Variants in CDH7 observed in about 807,000 individuals in gnomAD.
CDH7 encodes cadherin 7, also known as cadherin-7.
In CDH7, 25 loss-of-function variants were observed where a neutral mutation model predicts 71.8. The ratio of observed to expected loss-of-function variants is 0.35; its 90% CI spans 0.25 to 0.49. The LOEUF is 0.49. CDH7 is among the 20% of genes least tolerant of loss of function. The pLI, the probability that CDH7 is intolerant of heterozygous loss-of-function variation, is 0.99. For missense variants in CDH7, 862 were observed against 974.6 expected, an observed-to-expected ratio of 0.88 and a Z score of 1.54; for synonymous variants, 381 against 363.8, an observed-to-expected ratio of 1.05 and a Z score of -0.54.
chr18:65,857,320 A>T (rs1209458738), intron 7 of CDH7, among the ~76,000 whole-genome samples: 1 of 2,970 alleles, frequency 3.4e-4, no homozygotes. Context: ...CTGCATCTAT[A>T]ATAATAATAA....
At chr18:65,775,707 G>T (rs1193961021) in intron 2 of CDH7, among the ~76,000 whole-genome samples, 3 of 152,136 alleles carry the variant, frequency 2.0e-5, no homozygotes, top group Non-Finnish European at 4.4e-5. Flanking sequence ...ATTCATTTGT[G>T]CTGGGCTGCA....
rs1362530600 is a variant in CDH7 at position 65,762,881 on chromosome 18, G to T, written c.39G>T (p.Gln13His). ...LGKVEFCHFL[Q>H]LIALFLCFSG... Reference sequence around the variant, plus strand: ...AAGTGGAGTTCTGCCATTTTCTGCAGCTAATAGCTCTTTTCCTGTGTTTTT... The same window carrying T: ...AAGTGGAGTTCTGCCATTTTCTGCATCTAATAGCTCTTTTCCTGTGTTTTT... The change falls in exon 2 of 12, where the codon CAG becomes CAT. Residue 13 changes from glutamine to histidine, a missense_variant. By Grantham distance (24) the Gln-to-His change is conservative. Transcript: ENST00000397968. The T allele has an allele frequency of 1.2e-6, 2 of 1,613,080 alleles. No homozygotes were observed. The highest frequency in any genetic ancestry group is 1.7e-6 in the Non-Finnish European group (2 of 1,179,656).
chr18:65,855,384 A>G (rs2076862975), intron 7 of CDH7, among the ~76,000 whole-genome samples: 1 of 151,666 alleles, frequency 6.6e-6, no homozygotes, highest in South Asian at 2.1e-4. Context: ...GATAAATATT[A>G]AGAACAAAAG....
At chr18:65,861,254 T>G (rs2144035243) in intron 10 of CDH7, among the ~76,000 whole-genome samples, 1 of 152,268 alleles carries the variant, frequency 6.6e-6, no homozygotes, top group Non-Finnish European at 1.5e-5. Context: ...GTCTTCCATA[T>G]GATCACTTTT....
At chr18:65,802,619 G>A (rs1224765514) in intron 2 of CDH7, among the ~76,000 whole-genome samples, 1 of 152,128 alleles carries the variant, frequency 6.6e-6, no homozygotes, top group African/African-American at 2.4e-5. Flanking sequence ...AGAGAGCAAG[G>A]TACTCTCCTA....
chr18:65,752,269 C>T (rs1419126381), intron 1 of CDH7, among the ~76,000 whole-genome samples: 1 of 152,216 alleles, frequency 6.6e-6, no homozygotes, highest in African/African-American at 2.4e-5. Context: ...TAATATATGG[C>T]CCTTGCCAAG....
intron 11 of CDH7, among the ~76,000 whole-genome samples, chr18:65,879,631 C>G (rs762556089): frequency 6.6e-5 from 10 of 152,102 alleles, no homozygotes; most frequent in Non-Finnish European, 1.3e-4. Context: ...CCCAAATAAC[C>G]AGTGTAGTTG....
chr18:65,756,384 C>G (rs1029141741), intron 1 of CDH7, among the ~76,000 whole-genome samples: 8 of 152,140 alleles, frequency 5.3e-5, no homozygotes, highest in African/African-American at 1.9e-4. Context: ...ACTGACAGTC[C>G]TCAAATGTCA....
At chr18:65,784,732 C>G (rs2143842773) in intron 2 of CDH7, among the ~76,000 whole-genome samples, 1 of 152,274 alleles carries the variant, frequency 6.6e-6, no homozygotes, top group African/African-American at 2.4e-5. Context: ...CACTTCATCT[C>G]CGTGTTGAAT....
rs1912345820 is a variant in CDH7, at chr18:65,831,439, A to G, written c.981+6608A>G. ...TGAGGTCAAAAGTATCTCTATACTC[A>G]ATTTCAGAAGAAAATATTTGCTTAC... is the stretch of plus-strand genomic sequence containing the variant. On this transcript the variant is annotated intron_variant, in intron 6 of 11. Coordinates refer to ENST00000397968, the MANE Select transcript of CDH7 (RefSeq NM_004361.5). 2.0e-5 allele frequency among the ~76,000 whole-genome samples: 3 copies of G among 152,112 alleles called. No individual in the cohort carries two copies. The South Asian group carries it at 6.2e-4, about 32-fold the overall frequency.
At chr18:65,756,717 A>C (rs1378791031) in intron 1 of CDH7, among the ~76,000 whole-genome samples, 1 of 152,266 alleles carries the variant, frequency 6.6e-6, no homozygotes. Flanking sequence ...GGACTGCAAC[A>C]AACACATTCC....
At chr18:65,757,193 G>A (rs1916054612) in intron 1 of CDH7, among the ~76,000 whole-genome samples, 1 of 152,108 alleles carries the variant, frequency 6.6e-6, no homozygotes, top group African/African-American at 2.4e-5. Context: ...AAACGTTATA[G>A]TAATGAATTT....
Position 65,806,679 on chromosome 18 carries a change from C to T in CDH7, c.211-3025C>T, listed in dbSNP as rs1211894568. On this transcript the variant is annotated intron_variant, in intron 2 of 11. Coordinates refer to ENST00000397968, the MANE Select transcript of CDH7 (RefSeq NM_004361.5). ...ATGCATGTGTGTGTGTGTGTGTGTCCGTGAGTGTGCACGTGCCTGCAGAGA... is the reference window on the plus strand; with the variant it reads ...ATGCATGTGTGTGTGTGTGTGTGTCTGTGAGTGTGCACGTGCCTGCAGAGA... Among the ~76,000 whole-genome samples, 4 of 146,752 alleles carry T rather than the reference C, an allele frequency of 2.7e-5. No homozygotes were observed. The East Asian group carries it at 5.8e-4, about 21-fold the overall frequency.
chr18:65,869,906 A>G (rs1246579624), intron 11 of CDH7, among the ~76,000 whole-genome samples: 1 of 152,158 alleles, frequency 6.6e-6, no homozygotes, highest in Non-Finnish European at 1.5e-5. Context: ...CCATAGGATT[A>G]TCTCCATTAG....
Position 65,886,471 on chromosome 18 carries a change from G to A in CDH7, c.*5577G>A, listed in dbSNP as rs1215243162. 6.6e-6 allele frequency: 1 copy of A among 152,062 alleles called. No individual in the cohort carries two copies. Among genetic ancestry groups the A allele is most frequent in the Non-Finnish European group, 1.5e-5 (1 of 67,976 alleles). 9.4% of individuals were successfully genotyped at this position (152,062 alleles called of 1,614,324 possible). On this transcript the variant is annotated 3_prime_UTR_variant, in exon 12 of 12. Transcript: ENST00000397968. ...CTCAACATAATTCAACCATTCATATGAATTAATGATATCCATATGTGAATG... is the reference window on the plus strand; with the variant it reads ...CTCAACATAATTCAACCATTCATATAAATTAATGATATCCATATGTGAATG...
intron 6 of CDH7, among the ~76,000 whole-genome samples, chr18:65,829,136 T>TTTGTTTTGTTTTGTTC (rs530804340): frequency 0.016 from 2,464 of 152,294 alleles, 75 homozygotes; most frequent in Middle Eastern, 0.024. Context: ...TTGTTTTGTT[T>TTTGTTTTGTTTTGTTC]TGAGATGGGG....
chr18:65,852,739 A>G (rs191549479), intron 7 of CDH7, among the ~76,000 whole-genome samples: 2 of 152,290 alleles, frequency 1.3e-5, no homozygotes, highest in Admixed American at 6.5e-5. Flanking sequence ...GGCTGCGTCT[A>G]ATAAAAGCAT....
At chr18:65,761,599 A>G (rs758336783) in intron 1 of CDH7, among the ~76,000 whole-genome samples, 19 of 151,058 alleles carry the variant, frequency 1.3e-4, no homozygotes, top group Non-Finnish European at 1.9e-4. Flanking sequence ...TCTATTGTTG[A>G]TTTATTTATA....
rs188551254 is a variant in CDH7 at position 65,861,024 on chromosome 18, G to T, written c.1612+1199G>T. 1.1e-4 allele frequency among the ~76,000 whole-genome samples: 16 copies of T among 152,266 alleles called. No individual in the cohort carries two copies. The East Asian group carries it at 2.9e-3, about 28-fold the overall frequency. On this transcript the variant is annotated intron_variant, in intron 10 of 11. Transcript: ENST00000397968. ...GTTCATCTGGTACAAGTGCAGAGAA[G>T]GGAATTTATGAACTTCACAAGGAGA...
Sources: allele counts gnomAD v4.1 joint callset (sites outside exome capture counted in the v4.1 genomes callset), GRCh38; gene constraint gnomAD v4.1.1; transcripts MANE v1.5; gene names NCBI Gene and HGNC (gene_info 2026-07-23, HGNC 2026-07-21).